The following PTPRD variants were observed in gnomAD, a reference collection of about 807,000 sequenced individuals.
PTPRD encodes the protein receptor-type tyrosine-protein phosphatase delta.
Under a neutral mutation model 214.5 loss-of-function variants are expected in PTPRD, and 34 were observed. The ratio of observed to expected loss-of-function variants is 0.16; its 90% confidence interval spans 0.12 to 0.21. The LOEUF (loss-of-function observed/expected upper bound fraction) is 0.21. PTPRD is among the 10% of genes least tolerant of loss of function. The probability of loss-of-function intolerance (pLI) is 1.00; values close to 1 mark genes in which losing one functional copy is unlikely to be tolerated. For missense variants in PTPRD, 2,545 were observed against 2,398.7 expected (o/e 1.06, Z -1.27); for synonymous variants, 1,128 against 845.7 (o/e 1.33, Z -5.79).
At chr9:9,655,729 G>A (rs141064242) in intron 7 of PTPRD, among the ~76,000 whole-genome samples, 4 of 150,686 alleles carry the variant, frequency 2.7e-5, no homozygotes, top group East Asian at 2.0e-4. Flanking sequence ...TGTAATCCCC[G>A]CACTTTGGGA....
chr9:9,880,457 A>AC (rs1173786300), intron 5 of PTPRD, among the ~76,000 whole-genome samples: 1 of 152,184 alleles, frequency 6.6e-6, no homozygotes. Flanking sequence ...ATCAGATATC[A>AC]CCATTATCAC....
intron 35 of PTPRD, among the ~76,000 whole-genome samples, chr9:8,409,483 T>G (rs2093339124): frequency 6.6e-6 from 1 of 152,158 alleles, no homozygotes; most frequent in Non-Finnish European, 1.5e-5. Flanking sequence ...ACTCTATTTG[T>G]AATTCTAAAC....
intron 2 of PTPRD, among the ~76,000 whole-genome samples, chr9:10,548,615 AGAG>A (rs148869591): frequency 0.029 from 4,486 of 152,272 alleles, 197 homozygotes; most frequent in African/African-American, 0.1. Flanking sequence ...GGAATCACAC[AGAG>A]GATTTGAATA....
chr9:9,733,610 C>G (rs1278411249), intron 7 of PTPRD, among the ~76,000 whole-genome samples: 1 of 152,134 alleles, frequency 6.6e-6, no homozygotes, highest in Non-Finnish European at 1.5e-5. Context: ...TGCTCTCCCA[C>G]TCCCATCCAG....
intron 4 of PTPRD, among the ~76,000 whole-genome samples, chr9:9,939,097 C>G (rs935718889): frequency 6.6e-6 from 1 of 151,572 alleles, no homozygotes; most frequent in Non-Finnish European, 1.5e-5. Context: ...TGCCTATGCT[C>G]TTTTGTATTT....
chr9:9,621,029 T>C (rs1431512835), intron 7 of PTPRD, among the ~76,000 whole-genome samples: 1 of 152,168 alleles, frequency 6.6e-6, no homozygotes, highest in Non-Finnish European at 1.5e-5. Context: ...TGTTGGTGTC[T>C]CTGGGCAGGG....
chr9:9,029,801 C>G (rs1364267251), intron 10 of PTPRD, among the ~76,000 whole-genome samples: 1 of 151,794 alleles, frequency 6.6e-6, no homozygotes, highest in East Asian at 1.9e-4. Context: ...AATGGTGGGA[C>G]ATCCAGGAGA....
chr9:9,899,777 T>C (rs1002987190), intron 5 of PTPRD, among the ~76,000 whole-genome samples: 3 of 151,970 alleles, frequency 2.0e-5, no homozygotes, highest in African/African-American at 7.2e-5. Context: ...CTATTTACAA[T>C]AACAAAGATA....
chr9:9,833,792 G>A (rs1237955504), intron 5 of PTPRD, among the ~76,000 whole-genome samples: 1 of 151,852 alleles, frequency 6.6e-6, no homozygotes, highest in African/African-American at 2.4e-5. Flanking sequence ...TTTGAAAGAA[G>A]AGAAATATGG....
At chr9:10,498,728 G>C (rs1370523221) in intron 2 of PTPRD, among the ~76,000 whole-genome samples, 1 of 149,772 alleles carries the variant, frequency 6.7e-6, no homozygotes, top group South Asian at 2.1e-4. Flanking sequence ...AAACTTATAA[G>C]AAAAAAAGAC....
At chr9:9,090,793 T>C in intron 10 of PTPRD, 1 of 678,418 alleles carries the variant, frequency 1.5e-6, no homozygotes, top group East Asian at 2.7e-5. Flanking sequence ...GTTGCTGCAT[T>C]CTTCAAATAA....
At chr9:9,757,090 A>C (rs1200871940) in intron 6 of PTPRD, among the ~76,000 whole-genome samples, 3 of 152,188 alleles carry the variant, frequency 2.0e-5, no homozygotes, top group Non-Finnish European at 2.9e-5. Flanking sequence ...TGACAGCAAA[A>C]GTTCACAGGA....
chr9:9,181,327 C>G (rs1447027374), intron 10 of PTPRD, among the ~76,000 whole-genome samples: 1 of 151,778 alleles, frequency 6.6e-6, no homozygotes, highest in Non-Finnish European at 1.5e-5. Context: ...AGCCTTTTCT[C>G]TAGGTAGGTA....
chr9:9,021,573 G>T (rs2099569729), intron 10 of PTPRD, among the ~76,000 whole-genome samples: 1 of 151,948 alleles, frequency 6.6e-6, no homozygotes, highest in Non-Finnish European at 1.5e-5. Flanking sequence ...ACTACAGAAT[G>T]GTCTCAGGTG....
At chr9:10,364,417 C>G (rs769924037) in intron 2 of PTPRD, among the ~76,000 whole-genome samples, 1 of 152,106 alleles carries the variant, frequency 6.6e-6, no homozygotes, top group Admixed American at 6.6e-5. Context: ...CATCTGTACT[C>G]TAACAGCCCT....
Position 8,789,688 on chromosome 9 carries a change from T to G in PTPRD, c.-103-55742A>C, listed in dbSNP as rs913262824. 3.4e-4 allele frequency among the ~76,000 whole-genome samples: 51 copies of G among 152,106 alleles called. 1 individual carries two copies. The highest frequency in any genetic ancestry group is 1.2e-3 in the African/African-American group (50 of 41,416). ...TATTGAGGGGCAAAAAAAATCAATT[T>G]AATGAGTTACAATCAGAAACATCTT... On this transcript the variant is annotated intron_variant, in intron 11 of 45. Transcript: ENST00000381196.
chr9:9,951,650 C>T (rs2093464651), intron 4 of PTPRD, among the ~76,000 whole-genome samples: 1 of 152,222 alleles, frequency 6.6e-6, no homozygotes, highest in Non-Finnish European at 1.5e-5. Context: ...ATGTCGTTCT[C>T]CTCAACATTC....
At chr9:8,424,218 GT>G (rs1316771741) in intron 35 of PTPRD, among the ~76,000 whole-genome samples, 1 of 152,122 alleles carries the variant, frequency 6.6e-6, no homozygotes, top group Non-Finnish European at 1.5e-5. Context: ...TGACTACTAT[GT>G]GATCACCTTA....
chr9:10,042,855 A>C (rs1332371866), intron 3 of PTPRD, among the ~76,000 whole-genome samples: 1 of 152,018 alleles, frequency 6.6e-6, no homozygotes, highest in Non-Finnish European at 1.5e-5. Flanking sequence ...AAATGGAAAG[A>C]AAATTTCCAG....
Sources: gnomAD v4.1 joint callset for allele counts (sites outside exome capture counted in the v4.1 genomes callset) on GRCh38, gnomAD v4.1.1 for gene constraint, MANE v1.5 for transcripts, NCBI Gene and HGNC (gene_info 2026-07-23, HGNC 2026-07-21) for gene names.